SP100: variants seen among roughly 807,000 people sequenced by gnomAD.
The protein encoded by SP100 is nuclear autoantigen Sp-100.
SP100 carries 84 observed loss-of-function variants against 130.0 expected under a neutral mutation model. The observed-to-expected ratio is 0.65, with a 90% CI of 0.54 to 0.77. The LOEUF (loss-of-function observed/expected upper bound fraction) is 0.77. SP100 is among the 30% of genes least tolerant of loss of function. The pLI is 0.00. For synonymous variants in SP100, 331 were observed against 351.7 expected (o/e 0.94, Z 0.66); for missense variants, 978 against 1,052.2 (o/e 0.93, Z 0.97).
At chr2:230,504,144 T>C (rs2067192052) in intron 20 of SP100, 42 bp from the exon 21 acceptor site, 1 of 1,129,872 alleles carries the variant, frequency 8.9e-7, no homozygotes, top group Non-Finnish European at 1.3e-6. Context: ...AATGCACAGT[T>C]GTAAAAGTAG....
chr2:230,493,867 C>T (rs571160289), intron 17 of SP100: 1 of 153,260 alleles, frequency 6.5e-6, no homozygotes, highest in East Asian at 1.9e-4. Context: ...CTTCCAGGTT[C>T]AAGCAATTGT....
intron 2 of SP100, among the ~76,000 whole-genome samples, chr2:230,421,504 C>CATATATATATATATATATATATAT (rs55963279): frequency 6.8e-6 from 1 of 146,230 alleles, no homozygotes; most frequent in African/African-American, 2.5e-5. Context: ...AGAAGATATA[C>CATATATATATATATATATATATAT]ATATATATAT....
At chr2:230,458,305 TAAGG>T (rs1359359629) in intron 8 of SP100, among the ~76,000 whole-genome samples, 2 of 152,156 alleles carry the variant, frequency 1.3e-5, no homozygotes, top group African/African-American at 4.8e-5. Context: ...AATACAATCA[TAAGG>T]AAGAGAAAAT....
intron 2 of SP100, among the ~76,000 whole-genome samples, chr2:230,425,709 C>G (rs570065947): frequency 1.3e-5 from 2 of 151,798 alleles, no homozygotes; most frequent in African/African-American, 4.8e-5. Context: ...GGAGAAATGG[C>G]CTGTAATTTT....
chr2:230,542,797 T>C, intron 28 of SP100, 39 bp from the exon 29 acceptor site: 1 of 1,249,958 alleles, frequency 8.0e-7, no homozygotes, highest in African/African-American at 1.5e-5. Flanking sequence ...CTCAGCTCAT[T>C]GCATAACTGC....
intron 2 of SP100, among the ~76,000 whole-genome samples, chr2:230,429,302 G>A (rs1176008056): frequency 6.6e-6 from 1 of 152,182 alleles, no homozygotes; most frequent in African/African-American, 2.4e-5. Flanking sequence ...GAGAGGAGGA[G>A]GTTTCTGCCG....
intron 24 of SP100, chr2:230,514,964 A>C (rs1690820774): frequency 6.8e-6 from 10 of 1,478,304 alleles, no homozygotes; most frequent in Non-Finnish European, 9.0e-6. Flanking sequence ...TGCTGGCGCA[A>C]GTGAGAGCTG....
intron 17 of SP100, 116 bp downstream of exon 17, chr2:230,474,563 A>G (rs776514468): frequency 2.4e-5 from 15 of 612,534 alleles, no homozygotes; most frequent in Non-Finnish European, 3.5e-5. Flanking sequence ...TAAAGGGTGC[A>G]TTTGCAGGTT....
intron 24 of SP100, among the ~76,000 whole-genome samples, chr2:230,520,296 G>C (rs1208444753): frequency 1.3e-5 from 2 of 152,204 alleles, no homozygotes; most frequent in Non-Finnish European, 2.9e-5. Context: ...CACAGACAGA[G>C]AATGTTTCTT....
Position 230,484,937 on chromosome 2 carries a change from G to T in SP100, c.1601-9479G>T, listed in dbSNP as rs76555372. 7.4e-3 allele frequency among the ~76,000 whole-genome samples: 1,127 copies of T among 151,620 alleles called. 16 individuals are homozygous for T. Among genetic ancestry groups the T allele is most frequent in the African/African-American group, 0.026 (1,068 of 41,324 alleles). ...TAAGGCTATTTATTGGTTTGGTTTG[G>T]TTGTTTTTGGAGATAGGGATCCTGG... On this transcript the variant is annotated intron_variant, in intron 17 of 28. Transcript: ENST00000340126.
At chr2:230,420,735 C>CAT (rs35528929) in intron 2 of SP100, among the ~76,000 whole-genome samples, 18,927 of 150,214 alleles carry the variant, frequency 0.13, 1,566 homozygotes, top group Non-Finnish European at 0.19. Flanking sequence ...CAAAGTAAAA[C>CAT]ATATATATAT....
chr2:230,538,190 C>T (rs1397961048), intron 24 of SP100: 2 of 152,120 alleles, frequency 1.3e-5, no homozygotes, highest in Non-Finnish European at 2.9e-5. Flanking sequence ...AAGTTGAGAA[C>T]CACTTGTAAG....
At chr2:230,472,214 G>A (rs1245766139) in intron 15 of SP100, among the ~76,000 whole-genome samples, 2 of 151,966 alleles carry the variant, frequency 1.3e-5, no homozygotes, top group Admixed American at 1.3e-4. Flanking sequence ...GGATCACGAG[G>A]TCAGGAGATC....
intron 9 of SP100, 74 bp from the exon 10 acceptor site, chr2:230,462,361 T>G: frequency 8.7e-7 from 1 of 1,151,248 alleles, no homozygotes; most frequent in Non-Finnish European, 1.3e-6. Flanking sequence ...AGTGCTCTCA[T>G]TGTGGAATTT....
chr2:230,433,886 C>T (rs1197144322), intron 2 of SP100, among the ~76,000 whole-genome samples: 1 of 146,902 alleles, frequency 6.8e-6, no homozygotes, highest in Non-Finnish European at 1.5e-5. Flanking sequence ...ATTTAATAAC[C>T]CCATAACTTA....
At chr2:230,541,453 C>G in intron 27 of SP100, 81 bp downstream of exon 27, 8 of 1,212,044 alleles carry the variant, frequency 6.6e-6, no homozygotes, top group South Asian at 1.3e-5. Context: ...AGGTGCCATT[C>G]TATTTGGCTT....
In SP100 at chr2:230,516,154, C is replaced by T. The variant is rs544608334; in HGVS notation, c.2094+4988C>T. 2.1e-4 allele frequency: 161 copies of T among 776,602 alleles called. No individual in the cohort carries two copies. In the African/African-American group the frequency reaches 2.9e-3, roughly 14 times the overall value. 48.1% of individuals were successfully genotyped at this position (776,602 alleles called of 1,614,324 possible). On this transcript the variant is annotated intron_variant, in intron 24 of 28. Coordinates refer to ENST00000340126, the MANE Select transcript of SP100 (RefSeq NM_001080391.2). The stretch of plus-strand genomic sequence containing the variant: ...AGTCTTCTTCCATGTCTATTAGCTC[C>T]ACAAAGCCAATCTCAATCCCTCAAA...
intron 7 of SP100, 62 bp downstream of exon 7, chr2:230,449,772 G>A: frequency 6.4e-7 from 1 of 1,567,244 alleles, no homozygotes; most frequent in Non-Finnish European, 8.8e-7. Context: ...GGTGGCAGAG[G>A]AAGAGTCTAA....
At chr2:230,508,202 C>G (rs1690268445) in intron 23 of SP100, 171 bp downstream of exon 23, 2 of 1,029,976 alleles carry the variant, frequency 1.9e-6, no homozygotes, top group Non-Finnish European at 2.7e-6. Flanking sequence ...GTCCAGGGCT[C>G]CTTTGAACAT....
Sources: gnomAD v4.1 joint callset for allele counts (sites outside exome capture counted in the v4.1 genomes callset) on GRCh38, gnomAD v4.1.1 for gene constraint, MANE v1.5 for transcripts, NCBI Gene and HGNC (gene_info 2026-07-23, HGNC 2026-07-21) for gene names.